CDK8: variants seen among roughly 807,000 people sequenced by gnomAD.
CDK8 encodes cyclin dependent kinase 8, also known as cyclin-dependent kinase 8.
CDK8 carries 29 observed loss-of-function variants against 71.5 expected under a neutral mutation model. That is an observed-to-expected ratio of 0.41 (90% CI 0.30 to 0.55). The LOEUF is 0.55. Among genes scored for constraint, CDK8 ranks in the 20% least tolerant of loss-of-function variants. The pLI, the probability that CDK8 is intolerant of heterozygous loss-of-function variation, is 0.37. For missense variants in CDK8, 288 were observed against 572.6 expected, an observed-to-expected ratio of 0.50 and a Z score of 5.07; for synonymous variants, 161 against 192.1, an observed-to-expected ratio of 0.84 and a Z score of 1.34.
At chr13:26,332,501 A>ATG (rs1439323805) in intron 1 of CDK8, among the ~76,000 whole-genome samples, 1 of 151,168 alleles carries the variant, frequency 6.6e-6, no homozygotes, top group East Asian at 1.9e-4. Context: ...ATATATATAT[A>ATG]TAAAATCATA....
chr13:26,379,496 AAG>A (rs1875115565), intron 4 of CDK8, among the ~76,000 whole-genome samples: 1 of 152,190 alleles, frequency 6.6e-6, no homozygotes, highest in Non-Finnish European at 1.5e-5. Flanking sequence ...AATGAAAAGC[AAG>A]AGAGGGATTT....
chr13:26,401,581 C>T lies in CDK8; in HGVS notation c.1226C>T (p.Pro409Leu). The change falls in exon 12 of 13, where the codon CCT becomes CTT. Residue 409 changes from proline (P) to leucine (L), a missense_variant. Physicochemically the swap from Pro to Leu is moderately conservative, Grantham distance 98. Coordinates refer to ENST00000381527, the MANE Select transcript of CDK8 (RefSeq NM_001260.3). The surrounding 1 kb of genome is among the most constrained non-coding windows in gnomAD (Gnocchi z 4.5). ...PPLKKVRVVP[P>L]TTTSGGLIMT... is the part of the protein sequence containing the mutation. The stretch of plus-strand genomic sequence containing the variant: ...TTGAAGAAAGTGAGAGTTGTTCCTC[C>T]TACCACTACCTCAGGTGGACTTATC... The T allele has an allele frequency of 1.2e-6, 2 of 1,614,170 alleles. No homozygotes were observed. Among genetic ancestry groups the T allele is most frequent in the Non-Finnish European group, 1.7e-6 (2 of 1,180,012 alleles).
At chr13:26,387,962 A>G (rs374852304) in intron 6 of CDK8, among the ~76,000 whole-genome samples, 5 of 152,324 alleles carry the variant, frequency 3.3e-5, no homozygotes, top group Admixed American at 6.5e-5. Context: ...CAGTGCCTAC[A>G]TAGTATGTAG....
At chr13:26,267,888 G>A (rs1285947426) in intron 1 of CDK8, among the ~76,000 whole-genome samples, 1 of 152,192 alleles carries the variant, frequency 6.6e-6, no homozygotes, top group African/African-American at 2.4e-5. Context: ...CATCAAGCAA[G>A]AGAAGCTCCC....
At chr13:26,344,526 C>T (rs559007795) in intron 2 of CDK8, among the ~76,000 whole-genome samples, 6 of 152,114 alleles carry the variant, frequency 3.9e-5, no homozygotes, top group South Asian at 4.2e-4. Flanking sequence ...TTTGGGAGGC[C>T]GAGGTGGACA....
intron 1 of CDK8, among the ~76,000 whole-genome samples, chr13:26,328,820 A>G (rs1452855734): frequency 6.6e-6 from 1 of 152,148 alleles, no homozygotes; most frequent in Non-Finnish European, 1.5e-5. Context: ...AATTGCTTGA[A>G]TTGCTCCTCC....
chr13:26,344,310 A>G (rs1280186838), intron 2 of CDK8, among the ~76,000 whole-genome samples: 1 of 152,140 alleles, frequency 6.6e-6, no homozygotes, highest in East Asian at 1.9e-4. Context: ...CTGGGCATCT[A>G]GGTTGATTCC....
chr13:26,398,757 A>G lies in CDK8; in HGVS notation c.933+1532A>G, dbSNP rs546983481. 7.2e-5 allele frequency among the ~76,000 whole-genome samples: 11 copies of G among 152,154 alleles called. No individual in the cohort carries two copies. In the East Asian group the frequency reaches 2.2e-3, roughly 30 times the overall value. On this transcript the variant is annotated intron_variant, in intron 9 of 12. Transcript: ENST00000381527. ...GGGAGGCCGAGGCGGGCGGATCACA[A>G]GGTCAGGAGATTGAGACCATCCTGG... is the stretch of plus-strand genomic sequence containing the variant.
intron 1 of CDK8, among the ~76,000 whole-genome samples, chr13:26,278,850 C>A (rs745910796): frequency 6.6e-6 from 1 of 150,586 alleles, no homozygotes; most frequent in Non-Finnish European, 1.5e-5. Flanking sequence ...CCGTACTGAA[C>A]AGTTACAGAC....
intron 6 of CDK8, among the ~76,000 whole-genome samples, chr13:26,386,343 A>G (rs1233254749): frequency 6.6e-6 from 1 of 152,194 alleles, no homozygotes; most frequent in Non-Finnish European, 1.5e-5. Context: ...TGGTTGCATT[A>G]TCATCAAGTA....
intron 12 of CDK8, among the ~76,000 whole-genome samples, chr13:26,402,535 C>T (rs1003389738): frequency 6.6e-6 from 1 of 152,172 alleles, no homozygotes; most frequent in Non-Finnish European, 1.5e-5. Flanking sequence ...CGTTACTGTA[C>T]TTTCAGAATT....
At chr13:26,287,227 A>T (rs946031689) in intron 1 of CDK8, among the ~76,000 whole-genome samples, 2 of 152,210 alleles carry the variant, frequency 1.3e-5, no homozygotes, top group African/African-American at 4.8e-5. Context: ...GTTGCAAAAA[A>T]ATGGAGCCCA....
chr13:26,340,597 T>C (rs1423137214), intron 2 of CDK8, among the ~76,000 whole-genome samples: 1 of 152,194 alleles, frequency 6.6e-6, no homozygotes, highest in Non-Finnish European at 1.5e-5. Flanking sequence ...TTATCAGGCC[T>C]TCCTCCTTTA....
At position 26,404,059 on chromosome 13, in the gene CDK8, C is replaced by T. The variant is rs1465189992; in HGVS notation, c.1373C>T (p.Ser458Leu). The change falls in exon 13 of 13, where the codon TCA (serine) becomes TTA (leucine). Residue 458 changes from serine (S) to leucine (L), a missense_variant. Transcript: ENST00000381527. ...ACCTCCCAGCAGCCTCCACAGTACT[C>T]ACATCAGACACATCGGTACTGAGCT... ...SATSQQPPQYSHQTHRY is the reference protein window; with the variant it reads ...SATSQQPPQYLHQTHRY The T allele has an allele frequency of 6.2e-7, 1 of 1,613,914 alleles. No individual in the cohort carries two copies. Among genetic ancestry groups the T allele is most frequent in the Non-Finnish European group, 8.5e-7 (1 of 1,179,978 alleles).
intron 1 of CDK8, among the ~76,000 whole-genome samples, chr13:26,264,308 C>T (rs1402554828): frequency 6.6e-6 from 1 of 151,490 alleles, no homozygotes; most frequent in Non-Finnish European, 1.5e-5. Flanking sequence ...TTTATTGAGA[C>T]AGGGTCTCAC....
At chr13:26,323,831 T>C (rs2137952216) in intron 1 of CDK8, among the ~76,000 whole-genome samples, 1 of 152,300 alleles carries the variant, frequency 6.6e-6, no homozygotes, top group East Asian at 1.9e-4. Context: ...TACCACAGGT[T>C]ATCTATTTCC....
At chr13:26,292,884 C>G (rs1873366632) in intron 1 of CDK8, among the ~76,000 whole-genome samples, 3 of 152,188 alleles carry the variant, frequency 2.0e-5, no homozygotes, top group Admixed American at 6.5e-5. Context: ...CTTAAGAACT[C>G]TTATGTTTCT....
rs530314172 is a variant in CDK8 at position 26,275,922 on chromosome 13, G to T, written c.128+21153G>T. On this transcript the variant is annotated intron_variant, in intron 1 of 12. Transcript: ENST00000381527. ...TCTGTCGCCAGGCTGGAGTGCCGTG[G>T]CACAATCTTGGCTCACTGCAACCTC... is the stretch of plus-strand genomic sequence containing the variant. Among the ~76,000 whole-genome samples, 4 of 152,202 alleles carry T rather than the reference G, an allele frequency of 2.6e-5. No individual in the cohort carries two copies. The East Asian group carries it at 7.7e-4, about 29-fold the overall frequency.
Position 26,404,141 on chromosome 13 carries a change from C to T in CDK8, c.*60C>T. ...ATGCTGCAGGGCTGACTGTGCAGCT[C>T]TCTGCGGGAACCTGGTATGGGCCAT... On this transcript the variant is annotated 3_prime_UTR_variant, in exon 13 of 13. Transcript: ENST00000381527. 1 of 1,589,890 alleles carries T rather than the reference C, an allele frequency of 6.3e-7. No homozygotes were observed.
Sources: allele counts gnomAD v4.1 joint callset (sites outside exome capture counted in the v4.1 genomes callset), GRCh38; gene constraint gnomAD v4.1.1; non-coding constraint Gnocchi (gnomAD v3.1); transcripts MANE v1.5; gene names NCBI Gene and HGNC (gene_info 2026-07-23, HGNC 2026-07-21).